Variants in MYO16 observed in about 807,000 individuals in gnomAD.
MYO16 encodes myosin XVI, also known as unconventional myosin-XVI.
MYO16 carries 94 observed loss-of-function variants against 205.3 expected under a neutral mutation model. That is an observed-to-expected ratio of 0.46 (90% CI 0.39 to 0.54). The LOEUF is 0.54. Ranked by LOEUF, MYO16 falls within the 20% of genes least tolerant of loss-of-function variation. The pLI is 0.00. For missense variants in MYO16, 2,315 were observed against 2,387.5 expected (o/e 0.97, Z 0.63); for synonymous variants, 988 against 954.0 (o/e 1.04, Z -0.66).
chr13:108,846,257 C>A lies in MYO16; in HGVS notation c.1248+1764C>A, dbSNP rs114745414. ...AAAAGTTTGGTTTTTGTTTTCATTA[C>A]AGATATTTAAGACTCAAATTAGTTT... On this transcript the variant is annotated intron_variant, in intron 10 of 34. Coordinates refer to ENST00000457511, the MANE Select transcript of MYO16 (RefSeq NM_001198950.3). Among the ~76,000 whole-genome samples the A allele has an allele frequency of 2.0e-3, 299 of 152,192 alleles. 1 individual carries two copies. Among genetic ancestry groups the A allele is most frequent in the African/African-American group, 6.8e-3 (283 of 41,548 alleles).
At chr13:109,104,369 C>T (rs1419923936) in intron 28 of MYO16, among the ~76,000 whole-genome samples, 1 of 152,130 alleles carries the variant, frequency 6.6e-6, no homozygotes, top group African/African-American at 2.4e-5. Flanking sequence ...ATTCACCCAG[C>T]AAATGAAGGA....
chr13:108,927,112 A>AGAAGCCAT (rs1882042896), intron 16 of MYO16, among the ~76,000 whole-genome samples: 21 of 150,838 alleles, frequency 1.4e-4, no homozygotes, highest in Admixed American at 1.4e-3. Context: ...TCTGTCAACA[A>AGAAGCCAT]CTGAAGAGAG....
chr13:109,008,968 G>A lies in MYO16; in HGVS notation c.2514G>A (p.Val838=). Residue 838 remains valine, a synonymous_variant, in exon 22 of 35, where the codon GTG becomes GTA. Coordinates refer to ENST00000457511, the MANE Select transcript of MYO16 (RefSeq NM_001198950.3). ...AAGTGCTTTTTCTCCACGAGCAAGT[G>A]GAATGTGTACAAGAGGGAGTTACCA... ...INEVLFLHEQ[V]ECVQEGVTME... The A allele has an allele frequency of 6.2e-7, 1 of 1,613,096 alleles. No individual in the cohort carries two copies. The highest frequency in any genetic ancestry group is 8.5e-7 in the Non-Finnish European group (1 of 1,179,456).
chr13:108,914,921 G>A (rs1881421765), intron 16 of MYO16, among the ~76,000 whole-genome samples: 1 of 152,202 alleles, frequency 6.6e-6, no homozygotes, highest in South Asian at 2.1e-4. Flanking sequence ...GGGATCACAA[G>A]CATGAACCAC....
At chr13:109,176,001 A>G (rs1879156931) in intron 33 of MYO16, among the ~76,000 whole-genome samples, 1 of 152,208 alleles carries the variant, frequency 6.6e-6, no homozygotes, top group Non-Finnish European at 1.5e-5. Flanking sequence ...ACAAACATTT[A>G]CAGCTGAAAT....
rs768210105 is a variant in MYO16, at chr13:109,140,259, C to A, written c.4052-5C>A. On this transcript the variant is annotated splice_polypyrimidine_tract_variant and splice_region_variant and intron_variant, in intron 31 of 34. Coordinates refer to ENST00000457511, the MANE Select transcript of MYO16 (RefSeq NM_001198950.3). The surrounding 1 kb of genome is among the most constrained non-coding windows in gnomAD (Gnocchi z 8.0). ...ACCCACTGACCGCGTCCTTTCCTGC[C>A]GCAGCTCTGGCCCGGCCCAGACCGC... 1 of 1,598,278 alleles carries A rather than the reference C, an allele frequency of 6.3e-7. No individual in the cohort carries two copies. Among genetic ancestry groups the A allele is most frequent in the South Asian group, 1.1e-5 (1 of 91,052 alleles).
intron 20 of MYO16, among the ~76,000 whole-genome samples, chr13:108,986,547 G>A (rs35522395): frequency 0.057 from 8,549 of 149,990 alleles, 333 homozygotes; most frequent in Non-Finnish European, 0.087. Context: ...ACTTGAACCC[G>A]GGAGGCGGAG....
At chr13:108,903,837 A>G (rs1880831562) in intron 15 of MYO16, among the ~76,000 whole-genome samples, 1 of 152,222 alleles carries the variant, frequency 6.6e-6, no homozygotes, top group Non-Finnish European at 1.5e-5. Flanking sequence ...TGAATTGTAA[A>G]TGTTCACTAA....
chr13:108,537,448 G>A, the MYO16 span, among the ~76,000 whole-genome samples: 3 of 152,024 alleles, frequency 2.0e-5, no homozygotes, highest in Non-Finnish European at 4.4e-5. Flanking sequence ...TGTGGATAAC[G>A]CTGTGATAAA....
intron 16 of MYO16, among the ~76,000 whole-genome samples, chr13:108,951,112 G>T (rs190468219): frequency 5.9e-5 from 9 of 151,830 alleles, no homozygotes; most frequent in African/African-American, 1.7e-4. Context: ...ATGATTACGC[G>T]TAATACTTTT....
At chr13:108,564,825 T>C in the MYO16 span, among the ~76,000 whole-genome samples, 1 of 152,224 alleles carries the variant, frequency 6.6e-6, no homozygotes, top group Non-Finnish European at 1.5e-5. Context: ...TTTTGATTTT[T>C]GTATAAGGCA....
chr13:108,694,063 G>C (rs536121467), intron 2 of MYO16, among the ~76,000 whole-genome samples: 1 of 152,274 alleles, frequency 6.6e-6, no homozygotes, highest in South Asian at 2.1e-4. Context: ...TGGCCACATA[G>C]TATTTCATGG....
chr13:108,727,366 A>T, intron 3 of MYO16, 74 bp from the exon 4 acceptor site: 1 of 1,480,592 alleles, frequency 6.8e-7, no homozygotes, highest in Admixed American at 2.2e-5. Context: ...TTTTTTTTTA[A>T]ATCTGTGGAC....
At chr13:108,905,588 G>A (rs1014879737) in intron 15 of MYO16, among the ~76,000 whole-genome samples, 2 of 152,136 alleles carry the variant, frequency 1.3e-5, no homozygotes, top group South Asian at 4.1e-4. Context: ...ACAAGAAAAT[G>A]ATCTCCTCTT....
chr13:108,759,543 C>T (rs1051936805), intron 4 of MYO16, among the ~76,000 whole-genome samples: 3 of 152,086 alleles, frequency 2.0e-5, no homozygotes, highest in East Asian at 1.9e-4. Context: ...ATATTTGGGC[C>T]GGGCGTGGTG....
chr13:109,194,667 G>A (rs1880070036), intron 34 of MYO16, among the ~76,000 whole-genome samples: 1 of 152,164 alleles, frequency 6.6e-6, no homozygotes, highest in South Asian at 2.1e-4. Context: ...TTGAAATATA[G>A]AGACTGTGTC....
intron 4 of MYO16, among the ~76,000 whole-genome samples, chr13:108,763,500 G>A (rs2139661417): frequency 6.6e-6 from 1 of 152,218 alleles, no homozygotes; most frequent in Admixed American, 6.5e-5. Context: ...GGTGATGAAG[G>A]AAATGAAGAA....
At chr13:109,163,573 C>T (rs1449806626) in intron 32 of MYO16, among the ~76,000 whole-genome samples, 1 of 134,888 alleles carries the variant, frequency 7.4e-6, no homozygotes, top group Admixed American at 8.2e-5. Context: ...TCATTGTTTT[C>T]CTGTCTTCCT....
chr13:108,982,399 A>C (rs2139417184), intron 20 of MYO16, among the ~76,000 whole-genome samples: 1 of 152,274 alleles, frequency 6.6e-6, no homozygotes, highest in South Asian at 2.1e-4. Flanking sequence ...TTTTTAAAAA[A>C]CCCAAATAAA....
Sources: allele counts gnomAD v4.1 joint callset (sites outside exome capture counted in the v4.1 genomes callset), GRCh38; gene constraint gnomAD v4.1.1; non-coding constraint Gnocchi (gnomAD v3.1); transcripts MANE v1.5; gene names NCBI Gene and HGNC (gene_info 2026-07-23, HGNC 2026-07-21).